The following DMD variants were observed in gnomAD, a reference collection of about 807,000 sequenced individuals.
The protein encoded by DMD is dystrophin.
DMD carries 63 observed loss-of-function variants against 330.1 expected under a neutral mutation model. The ratio of observed to expected loss-of-function variants is 0.19; its 90% CI spans 0.16 to 0.24. The LOEUF is 0.24. Among genes scored for constraint, DMD ranks in the 10% least tolerant of loss-of-function variants. The pLI, the probability that DMD is intolerant of heterozygous loss-of-function variation, is 1.00. For synonymous variants in DMD, 1,223 were observed against 959.8 expected, an observed-to-expected ratio of 1.27 and a Z score of -5.07; for missense variants, 3,344 against 2,684.1, an observed-to-expected ratio of 1.25 and a Z score of -5.43.
chrX:32,699,086 T>TA, intron 8 of DMD, 26 bp downstream of exon 8: 2 of 1,180,592 alleles, frequency 1.7e-6, no homozygotes, highest in Non-Finnish European at 2.3e-6. Context: ...ACATCTTGAA[T>TA]AGTAGCTGTC....
chrX:31,489,577 T>A (rs1043164688), intron 57 of DMD, among the ~76,000 whole-genome samples: 10 of 112,459 alleles, frequency 8.9e-5, no homozygotes, highest in Non-Finnish European at 1.3e-4. Flanking sequence ...TTACTATGTA[T>A]TTCTGTCACT....
chrX:33,128,352 T>C (rs183485925), intron 1 of DMD: 182 of 1,018,880 alleles, frequency 1.8e-4, no homozygotes, highest in Non-Finnish European at 1.8e-4. Flanking sequence ...ACACACAATC[T>C]TTTTGCACCT....
At chrX:32,943,885 C>A (rs752494525) in intron 2 of DMD, among the ~76,000 whole-genome samples, 1 of 111,225 alleles carries the variant, frequency 9.0e-6, no homozygotes, top group South Asian at 3.8e-4. Context: ...TCTTTTTGTC[C>A]AAATATATGG....
intron 44 of DMD, among the ~76,000 whole-genome samples, chrX:31,985,673 C>G (rs1352869585): frequency 1.8e-5 from 2 of 112,313 alleles, no homozygotes; most frequent in African/African-American, 6.5e-5. Flanking sequence ...TCAGACAGTT[C>G]CTGACCTTAG....
chrX:31,447,419 C>G (rs772401147), intron 59 of DMD, among the ~76,000 whole-genome samples: 1 of 109,613 alleles, frequency 9.1e-6, no homozygotes, highest in Non-Finnish European at 1.9e-5. Context: ...ATAAAATGTT[C>G]GAGGTGCCTG....
chrX:31,295,842 T>C (rs767485114), intron 62 of DMD, among the ~76,000 whole-genome samples: 1 of 112,547 alleles, frequency 8.9e-6, no homozygotes, highest in Non-Finnish European at 1.9e-5. Flanking sequence ...CAATTGTGAA[T>C]GTTGAGAATA....
chrX:33,219,309 TGTG>T (rs2052119606), intron 1 of DMD, among the ~76,000 whole-genome samples: 1 of 56,943 alleles, frequency 1.8e-5, no homozygotes, highest in East Asian at 7.8e-4. Flanking sequence ...GAGATTATTG[TGTG>T]TGTGTGTGTG....
At chrX:31,708,991 G>A (rs1404499831) in intron 52 of DMD, among the ~76,000 whole-genome samples, 1 of 112,010 alleles carries the variant, frequency 8.9e-6, no homozygotes, top group Admixed American at 9.5e-5. Context: ...AGTAAAATCG[G>A]CTGGGCGTGG....
intron 48 of DMD, among the ~76,000 whole-genome samples, chrX:31,840,054 C>T (rs1192670284): frequency 1.8e-5 from 2 of 111,068 alleles, no homozygotes; most frequent in Non-Finnish European, 1.9e-5. Flanking sequence ...TTTCACTCAT[C>T]GAGCATAGGA....
chrX:33,046,745 C>G (rs1327225694), intron 1 of DMD, among the ~76,000 whole-genome samples: 1 of 112,209 alleles, frequency 8.9e-6, no homozygotes, highest in Non-Finnish European at 1.9e-5. Flanking sequence ...TTATTTAGTG[C>G]CCGGAAGGGG....
At chrX:32,790,498 A>T (rs2075737638) in intron 7 of DMD, among the ~76,000 whole-genome samples, 2 of 111,642 alleles carry the variant, frequency 1.8e-5, no homozygotes, top group Admixed American at 1.9e-4. Flanking sequence ...AGTCCTAAGC[A>T]GCTGCAACAT....
At chrX:32,357,916 T>C (rs1457480976) in intron 37 of DMD, among the ~76,000 whole-genome samples, 1 of 109,879 alleles carries the variant, frequency 9.1e-6, no homozygotes. Flanking sequence ...TTATGCCGAA[T>C]TGTTACCTCC....
chrX:32,475,089 C>T (rs1397519978), intron 21 of DMD, among the ~76,000 whole-genome samples: 1 of 111,055 alleles, frequency 9.0e-6, no homozygotes, highest in Non-Finnish European at 1.9e-5. Context: ...GCCAATTATC[C>T]CAGCACCATT....
intron 1 of DMD, among the ~76,000 whole-genome samples, chrX:33,168,869 C>A (rs751264034): frequency 1.8e-5 from 2 of 110,058 alleles, no homozygotes; most frequent in African/African-American, 6.6e-5. Flanking sequence ...TTGAGAATTT[C>A]AAATAAAAAG....
intron 9 of DMD, among the ~76,000 whole-genome samples, chrX:32,685,503 T>C (rs1192631713): frequency 8.9e-6 from 1 of 111,915 alleles, no homozygotes; most frequent in Non-Finnish European, 1.9e-5. Context: ...TAAAATGTAC[T>C]AAGATTTTAA....
intron 4 of DMD, among the ~76,000 whole-genome samples, chrX:32,826,237 T>A (rs2078682909): frequency 8.9e-6 from 1 of 111,868 alleles, no homozygotes; most frequent in African/African-American, 3.2e-5. Flanking sequence ...ACAGTGTTGG[T>A]GGAAATGTAA....
chrX:33,101,803 A>AT (rs771457510), intron 1 of DMD, among the ~76,000 whole-genome samples: 2 of 111,678 alleles, frequency 1.8e-5, no homozygotes, highest in Non-Finnish European at 3.8e-5. Flanking sequence ...GGTAAATGAC[A>AT]TTTTTTCTCT....
chrX:31,776,134 A>G (rs1045366935), intron 50 of DMD, among the ~76,000 whole-genome samples: 5 of 111,747 alleles, frequency 4.5e-5, no homozygotes, highest in African/African-American at 9.8e-5. Flanking sequence ...ATTCCAGGAA[A>G]GGAGCTAAAT....
At chrX:32,488,252 T>G (rs1360693430) in intron 20 of DMD, among the ~76,000 whole-genome samples, 1 of 111,956 alleles carries the variant, frequency 8.9e-6, no homozygotes, top group Admixed American at 9.5e-5. Flanking sequence ...TAGTTGGTCC[T>G]CCAGAGTATG....
Sources: allele counts gnomAD v4.1 joint callset (sites outside exome capture counted in the v4.1 genomes callset), GRCh38; gene constraint gnomAD v4.1.1; transcripts MANE v1.5; gene names NCBI Gene and HGNC (gene_info 2026-07-23, HGNC 2026-07-21).